Variants in PPARGC1A observed in about 807,000 individuals in gnomAD.
PPARGC1A encodes peroxisome proliferator-activated receptor gamma coactivator 1-alpha.
Under a neutral mutation model 88.7 loss-of-function variants are expected in PPARGC1A, and 25 were observed. The observed-to-expected ratio is 0.28, with a 90% CI of 0.21 to 0.39. The LOEUF (loss-of-function observed/expected upper bound fraction) is 0.39, where lower values mean the gene tolerates loss of function less well. Ranked by LOEUF, PPARGC1A falls within the 10% of genes least tolerant of loss-of-function variation. PPARGC1A has a pLI of 1.00. For missense variants in PPARGC1A, 880 were observed against 968.7 expected (o/e 0.91, Z 1.22); for synonymous variants, 363 against 355.6 (o/e 1.02, Z -0.24).
chr4:24,240,397 A>T, the PPARGC1A span, among the ~76,000 whole-genome samples: 1 of 152,202 alleles, frequency 6.6e-6, no homozygotes, highest in African/African-American at 2.4e-5. Flanking sequence ...ATATCTTGGC[A>T]GTCTGAAGGG....
chr4:24,318,724 T>C, the PPARGC1A span, among the ~76,000 whole-genome samples: 1 of 152,254 alleles, frequency 6.6e-6, no homozygotes, highest in Non-Finnish European at 1.5e-5. Flanking sequence ...ATAGCCTTTT[T>C]ATAAATTGAA....
At chr4:23,974,623 G>GT in the PPARGC1A span, among the ~76,000 whole-genome samples, 4 of 151,062 alleles carry the variant, frequency 2.6e-5, no homozygotes, top group African/African-American at 4.9e-5. Context: ...GTCAGTGTCT[G>GT]TTTTTTGTTG....
the PPARGC1A span, among the ~76,000 whole-genome samples, chr4:24,152,382 G>T: frequency 6.6e-6 from 1 of 152,014 alleles, no homozygotes; most frequent in Non-Finnish European, 1.5e-5. Context: ...AATGATCCTG[G>T]GACACCAAGA....
chr4:23,873,835 T>C (rs1298565271), intron 2 of PPARGC1A, among the ~76,000 whole-genome samples: 1 of 152,006 alleles, frequency 6.6e-6, no homozygotes, highest in Non-Finnish European at 1.5e-5. Context: ...AAAAAGCTAC[T>C]CACACATACA....
chr4:24,217,440 A>T, the PPARGC1A span, among the ~76,000 whole-genome samples: 1 of 152,172 alleles, frequency 6.6e-6, no homozygotes, highest in South Asian at 2.1e-4. Flanking sequence ...CGTTGTTCGG[A>T]TGGAAGAGCA....
At chr4:24,350,963 C>T in the PPARGC1A span, among the ~76,000 whole-genome samples, 1 of 122,720 alleles carries the variant, frequency 8.1e-6, no homozygotes, top group Admixed American at 9.3e-5. Context: ...GATCTAATCT[C>T]TAGAAAAAGA....
the PPARGC1A span, among the ~76,000 whole-genome samples, chr4:24,025,584 T>C: frequency 1.3e-5 from 2 of 152,140 alleles, no homozygotes; most frequent in East Asian, 3.9e-4. Context: ...TATTTAGAGC[T>C]GCCTGTCACC....
chr4:24,244,140 A>C, the PPARGC1A span, among the ~76,000 whole-genome samples: 1 of 152,122 alleles, frequency 6.6e-6, no homozygotes, highest in South Asian at 2.1e-4. Context: ...TCTCTTTCCA[A>C]TCTCCCAGTC....
intron 2 of PPARGC1A, among the ~76,000 whole-genome samples, chr4:23,852,071 C>A (rs898740737): frequency 2.6e-5 from 4 of 152,116 alleles, no homozygotes; most frequent in African/African-American, 9.7e-5. Context: ...TTCTACTTGT[C>A]CCCATCATGC....
the PPARGC1A span, among the ~76,000 whole-genome samples, chr4:24,326,034 T>C: frequency 6.6e-6 from 1 of 152,168 alleles, no homozygotes; most frequent in East Asian, 1.9e-4. Context: ...GCTGATCTCA[T>C]TGATGCCCTT....
the PPARGC1A span, among the ~76,000 whole-genome samples, chr4:24,114,200 C>A: frequency 6.7e-6 from 1 of 150,286 alleles, no homozygotes; most frequent in Non-Finnish European, 1.5e-5. Context: ...AATGAACAAA[C>A]CCTGGGACCA....
the PPARGC1A span, among the ~76,000 whole-genome samples, chr4:24,313,980 A>C: frequency 6.6e-6 from 1 of 152,248 alleles, no homozygotes; most frequent in Non-Finnish European, 1.5e-5. Context: ...CAACTTGGAT[A>C]GGCTTCAAAA....
At chr4:23,865,508 G>C (rs1241723952) in intron 2 of PPARGC1A, among the ~76,000 whole-genome samples, 2 of 152,164 alleles carry the variant, frequency 1.3e-5, no homozygotes, top group African/African-American at 4.8e-5. Flanking sequence ...TCTATTAAGA[G>C]AGAAGACCCA....
the PPARGC1A span, among the ~76,000 whole-genome samples, chr4:23,983,184 C>T: frequency 6.6e-6 from 1 of 152,008 alleles, no homozygotes; most frequent in Non-Finnish European, 1.5e-5. Flanking sequence ...GTCATTGTAC[C>T]TACTTCAGAT....
intron 2 of PPARGC1A, among the ~76,000 whole-genome samples, chr4:23,832,784 G>T (rs1725277060): frequency 6.6e-6 from 1 of 151,556 alleles, no homozygotes; most frequent in African/African-American, 2.4e-5. Flanking sequence ...TAATTTTTTT[G>T]TATTTTTAGT....
At chr4:23,918,234 T>G in the PPARGC1A span, among the ~76,000 whole-genome samples, 1 of 152,066 alleles carries the variant, frequency 6.6e-6, no homozygotes, top group Non-Finnish European at 1.5e-5. Flanking sequence ...TTTTTCTTTT[T>G]TTTGGGGGGA....
chr4:24,351,404 A>G, the PPARGC1A span, among the ~76,000 whole-genome samples: 1 of 151,860 alleles, frequency 6.6e-6, no homozygotes, highest in Non-Finnish European at 1.5e-5. Flanking sequence ...AAAAAAAAAA[A>G]AAAAGAAAAG....
At chr4:24,174,026 C>T in the PPARGC1A span, among the ~76,000 whole-genome samples, 2 of 152,120 alleles carry the variant, frequency 1.3e-5, no homozygotes, top group Non-Finnish European at 2.9e-5. Context: ...GCAGCAACAA[C>T]AACAAAAAAT....
At chr4:24,030,317 C>T in the PPARGC1A span, among the ~76,000 whole-genome samples, 4 of 152,166 alleles carry the variant, frequency 2.6e-5, no homozygotes, top group Admixed American at 1.3e-4. Context: ...TATGCTCTAA[C>T]ACAAAAATGC....
Sources: allele counts gnomAD v4.1 joint callset (sites outside exome capture counted in the v4.1 genomes callset), GRCh38; gene constraint gnomAD v4.1.1; transcripts MANE v1.5; gene names NCBI Gene and HGNC (gene_info 2026-07-23, HGNC 2026-07-21).